TBCK: variants seen among roughly 807,000 people sequenced by gnomAD.
TBCK encodes the protein TBC domain-containing protein kinase-like protein.
TBCK carries 99 observed loss-of-function variants against 113.4 expected under a neutral mutation model. That is an observed-to-expected ratio of 0.87 (90% CI 0.74 to 1.03). The LOEUF (loss-of-function observed/expected upper bound fraction) is 1.03. TBCK is among the 50% of genes least tolerant of loss of function. The pLI is 0.00. For synonymous variants in TBCK, 369 were observed against 370.8 expected, an observed-to-expected ratio of 1.00 and a Z score of 0.05; for missense variants, 1,045 against 1,061.3, an observed-to-expected ratio of 0.98 and a Z score of 0.21.
At chr4:106,155,863 C>T (rs760081146) in intron 23 of TBCK, among the ~76,000 whole-genome samples, 1 of 151,978 alleles carries the variant, frequency 6.6e-6, no homozygotes, top group Non-Finnish European at 1.5e-5. Flanking sequence ...CACATATCTC[C>T]GTTTCTCCAG....
At chr4:106,169,479 G>C (rs1489558484) in intron 23 of TBCK, among the ~76,000 whole-genome samples, 2 of 151,940 alleles carry the variant, frequency 1.3e-5, no homozygotes, top group African/African-American at 4.8e-5. Context: ...GCTATAAAGA[G>C]GATATAATTC....
chr4:106,212,736 C>T lies in TBCK; in HGVS notation c.1860+14G>A. On this transcript the variant is annotated intron_variant, in intron 20 of 25. Coordinates refer to ENST00000394708, the MANE Select transcript of TBCK (RefSeq NM_001163435.3). ...TTTTTAACCACATGTTCTATTAATGCACCAAGTACTTACATCTGGAATGAA... is the reference window on the plus strand; with the variant it reads ...TTTTTAACCACATGTTCTATTAATGTACCAAGTACTTACATCTGGAATGAA... 1.9e-6 allele frequency: 3 copies of T among 1,559,814 alleles called. No individual in the cohort carries two copies. Among genetic ancestry groups the T allele is most frequent in the South Asian group, 1.2e-5 (1 of 86,682 alleles).
chr4:106,224,206 T>C (rs1355160846), intron 19 of TBCK, among the ~76,000 whole-genome samples: 1 of 152,084 alleles, frequency 6.6e-6, no homozygotes, highest in Non-Finnish European at 1.5e-5. Flanking sequence ...ATTCTTTTAC[T>C]GATCTATAAG....
intron 5 of TBCK, among the ~76,000 whole-genome samples, chr4:106,256,773 T>C (rs973238875): frequency 1.3e-5 from 2 of 152,134 alleles, no homozygotes; most frequent in African/African-American, 4.8e-5. Context: ...GTAGTGGCCA[T>C]CCCAGACAGG....
chr4:106,157,447 G>A (rs1052867471), intron 23 of TBCK, among the ~76,000 whole-genome samples: 1 of 152,046 alleles, frequency 6.6e-6, no homozygotes, highest in African/African-American at 2.4e-5. Flanking sequence ...GGCCTACACT[G>A]CCTTTGAAGT....
chr4:106,251,210 A>G, intron 6 of TBCK: 1 of 335,852 alleles, frequency 3.0e-6, no homozygotes, highest in Non-Finnish European at 6.0e-6. Flanking sequence ...AAATTAAAAT[A>G]TTAACTGTAC....
At position 106,137,911 on chromosome 4, in the gene TBCK, G is replaced by C. The variant is rs1746752082; in HGVS notation, c.2236-21533C>G. Among the ~76,000 whole-genome samples, 4 of 140,638 alleles carry C rather than the reference G, an allele frequency of 2.8e-5. 1 individual carries two copies. The South Asian group carries it at 9.7e-4, about 34-fold the overall frequency. The allele number at this position is 140,638 out of a possible 152,430, so 92.3% of individuals were successfully genotyped here. A position where few individuals can be genotyped will look rare whatever the true frequency, so the allele number is the denominator to read the frequency against. On this transcript the variant is annotated intron_variant, in intron 23 of 25. Coordinates refer to ENST00000394708, the MANE Select transcript of TBCK (RefSeq NM_001163435.3). ...TTCTTTGCTATACGGTATCATTCTG[G>C]AGACATTTTATCTCTCTGGGCCTCA...
intron 23 of TBCK, among the ~76,000 whole-genome samples, chr4:106,131,014 C>T (rs1027619441): frequency 1.2e-4 from 18 of 152,080 alleles, no homozygotes; most frequent in Admixed American, 1.1e-3. Context: ...CAAATCTCAC[C>T]TTGAACTGTA....
chr4:106,171,795 A>C (rs1471666955), intron 22 of TBCK, among the ~76,000 whole-genome samples: 2 of 152,110 alleles, frequency 1.3e-5, no homozygotes, highest in Non-Finnish European at 2.9e-5. Context: ...ATTATCAGAA[A>C]AAATTTTTCA....
At chr4:106,064,264 CTT>C (rs1233437572) in intron 25 of TBCK, among the ~76,000 whole-genome samples, 4 of 151,986 alleles carry the variant, frequency 2.6e-5, no homozygotes, top group African/African-American at 7.2e-5. Flanking sequence ...ACATTTTAAA[CTT>C]AATTATTACA....
chr4:106,139,519 C>A lies in TBCK; in HGVS notation c.2236-23141G>T, dbSNP rs1281216795. On this transcript the variant is annotated intron_variant, in intron 23 of 25. Transcript: ENST00000394708. ...ATCTTTAATCATTTATTTTAACACA[C>A]CACAAATCATCCCAGATGATTCTTA... is the stretch of plus-strand genomic sequence containing the variant. 2.8e-5 allele frequency among the ~76,000 whole-genome samples: 4 copies of A among 141,408 alleles called. 1 individual carries two copies. The highest frequency in any genetic ancestry group is 1.0e-4 in the African/African-American group (4 of 39,974). 92.8% of individuals were successfully genotyped at this position (141,408 alleles called of 152,430 possible). A position where few individuals can be genotyped will look rare whatever the true frequency, so the allele number is the denominator to read the frequency against.
chr4:106,236,593 T>C, intron 13 of TBCK, 74 bp from the exon 14 acceptor site: 3 of 1,269,670 alleles, frequency 2.4e-6, no homozygotes, highest in Non-Finnish European at 3.1e-6. Context: ...TTTTCCTAAC[T>C]CTACCAACAG....
Position 106,235,379 on chromosome 4 carries a change from A to C in TBCK, c.1351-12T>G, listed in dbSNP as rs776400789. 4 of 1,566,126 alleles carry C rather than the reference A, an allele frequency of 2.6e-6. No individual in the cohort carries two copies. Among genetic ancestry groups the C allele is most frequent in the Non-Finnish European group, 3.5e-6 (4 of 1,149,330 alleles). Reference sequence around the variant, plus strand: ...TTATATGGATAAGCCTATGATATCAAAAAAGAAATGAAAACGTCTCAAATT... The same window carrying C: ...TTATATGGATAAGCCTATGATATCACAAAAGAAATGAAAACGTCTCAAATT... On this transcript the variant is annotated splice_polypyrimidine_tract_variant and intron_variant, in intron 14 of 25. Coordinates refer to ENST00000394708, the MANE Select transcript of TBCK (RefSeq NM_001163435.3).
chr4:106,214,410 T>C (rs1756593871), intron 19 of TBCK, among the ~76,000 whole-genome samples: 1 of 151,958 alleles, frequency 6.6e-6, no homozygotes. Flanking sequence ...GACGATCAAA[T>C]TACTCTGAGC....
At chr4:106,231,445 T>C (rs1448015355) in intron 18 of TBCK, among the ~76,000 whole-genome samples, 1 of 151,784 alleles carries the variant, frequency 6.6e-6, no homozygotes, top group African/African-American at 2.4e-5. Context: ...AATTGATTTC[T>C]TTACAAATTC....
chr4:106,150,565 G>A (rs761693257), intron 23 of TBCK, among the ~76,000 whole-genome samples: 2 of 151,964 alleles, frequency 1.3e-5, no homozygotes, highest in Non-Finnish European at 2.9e-5. Flanking sequence ...AGAAAATAGA[G>A]TAAAACATTA....
At chr4:106,237,263 G>T (rs1233236833) in intron 12 of TBCK, among the ~76,000 whole-genome samples, 1 of 152,012 alleles carries the variant, frequency 6.6e-6, no homozygotes, top group Non-Finnish European at 1.5e-5. Flanking sequence ...CTAGAAAAAG[G>T]ATTCCAAAAT....
At position 106,046,479 on chromosome 4, in the gene TBCK, T is replaced by C. The variant is rs1734227674; in HGVS notation, c.*91A>G. 4.4e-6 allele frequency: 3 copies of C among 689,542 alleles called. No homozygotes were observed. In the Admixed American group the frequency reaches 7.4e-5, roughly 17 times the overall value. The allele number at this position is 689,542 out of a possible 1,614,324, so 42.7% of individuals were successfully genotyped here. On this transcript the variant is annotated 3_prime_UTR_variant, in exon 26 of 26. Coordinates refer to ENST00000394708, the MANE Select transcript of TBCK (RefSeq NM_001163435.3). ...TTACGGAAATGCAACAATCTGGACATCTAGTTTTGTCTGAGAGTGGCGTGG... is the reference window on the plus strand; with the variant it reads ...TTACGGAAATGCAACAATCTGGACACCTAGTTTTGTCTGAGAGTGGCGTGG...
At chr4:106,280,613 TGA>T (rs1361095676) in intron 3 of TBCK, among the ~76,000 whole-genome samples, 2 of 152,136 alleles carry the variant, frequency 1.3e-5, no homozygotes, top group African/African-American at 4.8e-5. Context: ...TTGTTTATGT[TGA>T]GAGACAGAGG....
Sources: gnomAD v4.1 joint callset for allele counts (sites outside exome capture counted in the v4.1 genomes callset) on GRCh38, gnomAD v4.1.1 for gene constraint, MANE v1.5 for transcripts, NCBI Gene and HGNC (gene_info 2026-07-23, HGNC 2026-07-21) for gene names.